The following ACVR1 variants were observed in gnomAD, a reference collection of about 807,000 sequenced individuals.
ACVR1 encodes activin A receptor type 1, also known as activin receptor type-1.
A neutral mutation model predicts 57.1 loss-of-function variants in ACVR1; 38 were observed. The observed-to-expected ratio is 0.67, with a 90% CI of 0.51 to 0.87. The LOEUF is 0.87. Ranked by LOEUF, ACVR1 falls within the 40% of genes least tolerant of loss-of-function variation. The pLI, the probability that ACVR1 is intolerant of heterozygous loss-of-function variation, is 0.00. For missense variants in ACVR1, 463 were observed against 638.2 expected, an observed-to-expected ratio of 0.73 and a Z score of 2.96; for synonymous variants, 212 against 228.1, an observed-to-expected ratio of 0.93 and a Z score of 0.63.
rs113616350 is a variant in ACVR1, at chr2:157,838,801, T to A, written c.-182-20242A>T. Among the ~76,000 whole-genome samples the A allele has an allele frequency of 4.5e-3, 683 of 152,286 alleles. 2 individuals are homozygous for A. Among genetic ancestry groups the A allele is most frequent in the Non-Finnish European group, 7.3e-3 (499 of 68,016 alleles). ...TGGGGAGAACGCACAACCCCATTTC[T>A]ACTTCATGTTTAAACCTGCCTCATA... On this transcript the variant is annotated intron_variant, in intron 1 of 10. Transcript: ENST00000434821.
chr2:157,835,645 T>C (rs1020348314), intron 1 of ACVR1, among the ~76,000 whole-genome samples: 3 of 152,206 alleles, frequency 2.0e-5, no homozygotes, highest in Admixed American at 2.0e-4. Context: ...CCAACGTATG[T>C]CAAAATTTCT....
At chr2:157,817,022 C>T (rs1330647920) in intron 2 of ACVR1, among the ~76,000 whole-genome samples, 1 of 151,820 alleles carries the variant, frequency 6.6e-6, no homozygotes, top group African/African-American at 2.4e-5. Context: ...TGCAGTGGTG[C>T]AATCACGGCT....
At chr2:157,738,293 G>A in intron 10 of ACVR1, 147 bp downstream of exon 10, 1 of 1,247,884 alleles carries the variant, frequency 8.0e-7, no homozygotes, top group South Asian at 1.3e-5. Flanking sequence ...TACTCTTCTA[G>A]ATCTAAACCC....
Position 157,874,441 on chromosome 2 carries a change from G to A in ACVR1, c.-183+1355C>T, listed in dbSNP as rs371362156. On this transcript the variant is annotated intron_variant, in intron 1 of 10. Transcript: ENST00000434821. Reference sequence around the variant, plus strand: ...CACTATGAAGCTGCATGGCGAGGCCGATGTCTGAGGTCAGCACAAGTCTAG... The same window carrying A: ...CACTATGAAGCTGCATGGCGAGGCCAATGTCTGAGGTCAGCACAAGTCTAG... Among the ~76,000 whole-genome samples the A allele has an allele frequency of 3.7e-4, 57 of 152,340 alleles. No homozygotes were observed. In the South Asian group the frequency reaches 9.3e-3, roughly 25 times the overall value.
chr2:157,747,288 AAT>A (rs931913252), intron 9 of ACVR1, among the ~76,000 whole-genome samples: 1 of 152,238 alleles, frequency 6.6e-6, no homozygotes, highest in Non-Finnish European at 1.5e-5. Context: ...GCAACTTGGC[AAT>A]ATGTGTCAAG....
At chr2:157,850,502 C>T (rs1689258044) in intron 1 of ACVR1, among the ~76,000 whole-genome samples, 1 of 152,104 alleles carries the variant, frequency 6.6e-6, no homozygotes, top group South Asian at 2.1e-4. Flanking sequence ...CCTGCAAACC[C>T]TAATAGTAAG....
chr2:157,861,230 C>G (rs2105376903), intron 1 of ACVR1, among the ~76,000 whole-genome samples: 1 of 152,328 alleles, frequency 6.6e-6, no homozygotes, highest in East Asian at 1.9e-4. Context: ...CTCTGCCAAG[C>G]TGAGCTCTCT....
Position 157,809,613 on chromosome 2 carries a change from G to A in ACVR1, c.-8+8772C>T, listed in dbSNP as rs1025889661. Among the ~76,000 whole-genome samples the A allele has an allele frequency of 6.6e-5, 10 of 152,022 alleles. No homozygotes were observed. In the South Asian group the frequency reaches 1.7e-3, roughly 25 times the overall value. ...GATATAACCAAAAAACCACCCACTC[G>A]ACCAGAAACACTCACTGACCTAAAT... On this transcript the variant is annotated intron_variant, in intron 2 of 10. Transcript: ENST00000434821.
chr2:157,779,746 T>C (rs1375731610), intron 4 of ACVR1, among the ~76,000 whole-genome samples: 1 of 152,208 alleles, frequency 6.6e-6, no homozygotes, highest in East Asian at 1.9e-4. Context: ...ACTGGTTTCC[T>C]TAGCATATGC....
chr2:157,825,137 TTAAC>T (rs1688298853), intron 1 of ACVR1, among the ~76,000 whole-genome samples: 1 of 152,202 alleles, frequency 6.6e-6, no homozygotes, highest in Non-Finnish European at 1.5e-5. Flanking sequence ...AAATCTTTGA[TTAAC>T]TAGTTTAGGA....
chr2:157,828,991 C>A (rs1688492508), intron 1 of ACVR1, among the ~76,000 whole-genome samples: 2 of 152,150 alleles, frequency 1.3e-5, no homozygotes. Context: ...TGGTCTCGAA[C>A]TCCTGACCTC....
intron 3 of ACVR1, among the ~76,000 whole-genome samples, chr2:157,796,308 T>C (rs1687118349): frequency 6.6e-6 from 1 of 151,958 alleles, no homozygotes; most frequent in South Asian, 2.1e-4. Context: ...TCTCAGCACT[T>C]TGGGAGGCCG....
At chr2:157,829,053 C>A (rs1688495224) in intron 1 of ACVR1, among the ~76,000 whole-genome samples, 1 of 152,206 alleles carries the variant, frequency 6.6e-6, no homozygotes, top group Non-Finnish European at 1.5e-5. Flanking sequence ...CAGGCGTGAG[C>A]CACTGTGTCT....
intron 6 of ACVR1, among the ~76,000 whole-genome samples, chr2:157,773,593 G>A (rs930620451): frequency 2.6e-5 from 4 of 152,126 alleles, no homozygotes; most frequent in Non-Finnish European, 5.9e-5. Flanking sequence ...AATGTGAGAG[G>A]CCATGGAGAA....
At chr2:157,753,891 T>A (rs1685310052) in intron 9 of ACVR1, among the ~76,000 whole-genome samples, 1 of 152,142 alleles carries the variant, frequency 6.6e-6, no homozygotes, top group African/African-American at 2.4e-5. Context: ...TTAAGAAAAC[T>A]GAAATTACAT....
At chr2:157,814,196 A>G (rs1460806422) in intron 2 of ACVR1, among the ~76,000 whole-genome samples, 2 of 152,248 alleles carry the variant, frequency 1.3e-5, no homozygotes, top group Non-Finnish European at 2.9e-5. Context: ...TTATTTCTAT[A>G]CAAATGGCCA....
intron 1 of ACVR1, among the ~76,000 whole-genome samples, chr2:157,825,180 C>A (rs368154107): frequency 3.9e-4 from 60 of 152,196 alleles, no homozygotes; most frequent in African/African-American, 1.4e-3. Flanking sequence ...TTCTGGTTAA[C>A]TGATGTTACC....
intron 8 of ACVR1, among the ~76,000 whole-genome samples, chr2:157,765,479 A>C (rs1685828598): frequency 6.6e-6 from 1 of 152,040 alleles, no homozygotes; most frequent in Non-Finnish European, 1.5e-5. Context: ...AGTAATGGGA[A>C]ACTCTGTATC....
At chr2:157,838,958 T>C (rs959956494) in intron 1 of ACVR1, among the ~76,000 whole-genome samples, 18 of 152,310 alleles carry the variant, frequency 1.2e-4, no homozygotes, top group African/African-American at 4.1e-4. Flanking sequence ...TTTTCTGCAA[T>C]GCACCAATAA....
Sources: allele counts gnomAD v4.1 joint callset (sites outside exome capture counted in the v4.1 genomes callset), GRCh38; gene constraint gnomAD v4.1.1; transcripts MANE v1.5; gene names NCBI Gene and HGNC (gene_info 2026-07-23, HGNC 2026-07-21).